The following IFNL2 variants were observed in gnomAD, a reference collection of about 807,000 sequenced individuals.
IFNL2 encodes the protein interferon lambda-2.
IFNL2 carries 17 observed loss-of-function variants against 18.7 expected under a neutral mutation model. That is an observed-to-expected ratio of 0.91 (90% CI 0.62 to 1.36). The LOEUF (loss-of-function observed/expected upper bound fraction) is 1.36, where lower values mean the gene tolerates loss of function less well. Ranked by LOEUF, IFNL2 falls within the 40% of genes most tolerant of loss-of-function variation. The pLI is 0.00. For missense variants in IFNL2, 225 were observed against 257.3 expected (o/e 0.87, Z 0.86); for synonymous variants, 96 against 113.4 (o/e 0.85, Z 0.98).
chr19:39,268,621 T>C (rs774130637), intron 1 of IFNL2, 43 bp downstream of exon 1: 4 of 1,613,834 alleles, frequency 2.5e-6, no homozygotes, highest in Middle Eastern at 1.7e-4. Flanking sequence ...CTGCAGCCCC[T>C]GCCCTCAGTG....
Position 39,269,799 on chromosome 19 carries a change from G to A in IFNL2, c.482G>A (p.Arg161Gln), listed in dbSNP as rs760792780. 38 of 1,608,240 alleles carry A rather than the reference G, an allele frequency of 2.4e-5. No individual in the cohort carries two copies. The highest frequency in any genetic ancestry group is 1.6e-4 in the South Asian group (14 of 89,844). ...TRGRLHHWLY[R>Q]LQEAPKKESP... ...GGCCGCCTCCACCATTGGCTGTACC[G>A]GCTCCAGGAGGCCCCAAAAAAGGTG... The change falls in exon 5 of 6, where the codon CGG becomes CAG. Residue 161 changes from arginine to glutamine, a missense_variant. Transcript: ENST00000331982.
At position 39,269,869 on chromosome 19, in the gene IFNL2, A is replaced by C. The variant is rs112552445; in HGVS notation, c.505-46A>C. The C allele has an allele frequency of 4.7e-5, 75 of 1,608,192 alleles. No individual in the cohort carries two copies. In the African/African-American group the frequency reaches 6.8e-4, roughly 15 times the overall value. On this transcript the variant is annotated intron_variant, in intron 5 of 5. Transcript: ENST00000331982. The stretch of plus-strand genomic sequence containing the variant: ...GACTGAGGTCTGGGGAGCCACTGGG[A>C]GCCCAGAACCCAGACAGCCCCTGAC...
In IFNL2 at chr19:39,269,719, C is replaced by A; in HGVS notation, c.421-19C>A. The stretch of plus-strand genomic sequence containing the variant: ...CTTGCCAAGGCCCCGGCTCACACAC[C>A]GCCCTCCTCTGCCCACAGATCCAGC... On this transcript the variant is annotated intron_variant, in intron 4 of 5. Transcript: ENST00000331982. 6.2e-7 allele frequency: 1 copy of A among 1,605,662 alleles called. No individual in the cohort carries two copies. Among genetic ancestry groups the A allele is most frequent in the Non-Finnish European group, 8.5e-7 (1 of 1,176,340 alleles).
rs1365821242 is a variant in IFNL2, at chr19:39,269,179, A to T, written c.220A>T (p.Arg74Trp). The change falls in exon 3 of 6, where the codon AGG (arginine) becomes TGG (tryptophan). Residue 74 changes from arginine to tryptophan, a missense_variant. Transcript: ENST00000331982. Reference protein sequence around the residue: ...LEESLLLKDCRCHSRLFPRTW... With the variant: ...LEESLLLKDCWCHSRLFPRTW... Reference sequence around the variant, plus strand: ...AGAGTCGCTTCTGCTGAAGGACTGCAGGTGCCACTCCCGCCTCTTCCCCAG... The same window carrying T: ...AGAGTCGCTTCTGCTGAAGGACTGCTGGTGCCACTCCCGCCTCTTCCCCAG... 6.2e-7 allele frequency: 1 copy of T among 1,611,116 alleles called. No individual in the cohort carries two copies. Among genetic ancestry groups the T allele is most frequent in the Admixed American group, 1.7e-5 (1 of 59,694 alleles).
rs768247378 is a variant in IFNL2 at position 39,269,645 on chromosome 19, G to C, written c.420+8G>C. ...TCCCAGTTCCGGGCCTGTGTGAGTCGTTGGGGCCTGGGCACCCAGGTCTGT... is the reference window on the plus strand; with the variant it reads ...TCCCAGTTCCGGGCCTGTGTGAGTCCTTGGGGCCTGGGCACCCAGGTCTGT... On this transcript the variant is annotated splice_region_variant and intron_variant, in intron 4 of 5. Coordinates refer to ENST00000331982, the MANE Select transcript of IFNL2 (RefSeq NM_172138.2). 2 of 1,613,438 alleles carry C rather than the reference G, an allele frequency of 1.2e-6. No homozygotes were observed. The highest frequency in any genetic ancestry group is 2.2e-5 in the South Asian group (2 of 91,070).
At position 39,268,495 on chromosome 19, in the gene IFNL2, C is replaced by T. The variant is rs1044242301; in HGVS notation, c.-74C>T. The stretch of plus-strand genomic sequence containing the variant: ...AGGGGACTGAAAAGAACAGAGACTC[C>T]AGACAAGACCCAAACAGACCCTGGG... On this transcript the variant is annotated 5_prime_UTR_variant, in exon 1 of 6. Transcript: ENST00000331982. 33 of 1,409,204 alleles carry T rather than the reference C, an allele frequency of 2.3e-5. No individual in the cohort carries two copies. The African/African-American group carries it at 4.6e-4, about 19-fold the overall frequency. The allele number at this position is 1,409,204 out of a possible 1,614,324, so 87.3% of individuals were successfully genotyped here. A position where few individuals can be genotyped will look rare whatever the true frequency, so the allele number is the denominator to read the frequency against.
At position 39,270,101 on chromosome 19, in the gene IFNL2, T is replaced by C; in HGVS notation, c.*88T>C. 7.0e-7 allele frequency: 1 copy of C among 1,421,304 alleles called. No homozygotes were observed. The highest frequency in any genetic ancestry group is 9.7e-7 in the Non-Finnish European group (1 of 1,035,760). The allele number at this position is 1,421,304 out of a possible 1,614,324, so 88.0% of individuals were successfully genotyped here. On this transcript the variant is annotated 3_prime_UTR_variant, in exon 6 of 6. Transcript: ENST00000331982. ...TGCCACCCAGTCGCTATTTATGTAT[T>C]TGTGTGTGTAAATCCAACTCACCTC... is the stretch of plus-strand genomic sequence containing the variant.
rs371778513 is a variant in IFNL2 at position 39,268,696 on chromosome 19, G to C, written c.30G>C (p.Thr10=). The C allele has an allele frequency of 3.1e-6, 5 of 1,613,016 alleles. No individual in the cohort carries two copies. The Admixed American group carries it at 6.7e-5, about 22-fold the overall frequency. The change falls in exon 2 of 6, where the codon ACG becomes ACC. Residue 10 remains threonine (T), a synonymous_variant. Coordinates refer to ENST00000331982, the MANE Select transcript of IFNL2 (RefSeq NM_172138.2). MKLDMTGDC[T]PVLVLMAAVL... is the part of the protein sequence containing the mutation. ...ACACAGACATGACTGGGGACTGCACGCCAGTGCTGGTGCTGATGGCCGCAG... is the reference window on the plus strand; with the variant it reads ...ACACAGACATGACTGGGGACTGCACCCCAGTGCTGGTGCTGATGGCCGCAG...
At position 39,270,008 on chromosome 19, in the gene IFNL2, G is replaced by A; in HGVS notation, c.598G>A (p.Val200Ile). Reference sequence around the variant, plus strand: ...TTGTGTTGCCAGTGGGGACCTGTGTGTCTGACCCTCCCACCAGTCATGCAA... The same window carrying A: ...TTGTGTTGCCAGTGGGGACCTGTGTATCTGACCCTCCCACCAGTCATGCAA... ...LNCVASGDLC[V>I] is the part of the protein sequence containing the mutation. The change falls in exon 6 of 6, where the codon GTC becomes ATC. Residue 200 changes from valine (V) to isoleucine (I), a missense_variant. Transcript: ENST00000331982. The A allele has an allele frequency of 6.3e-7, 1 of 1,593,888 alleles. No homozygotes were observed. The highest frequency in any genetic ancestry group is 8.5e-7 in the Non-Finnish European group (1 of 1,169,718).
rs1239689439 is a variant in IFNL2 at position 39,269,363 on chromosome 19, C to T, written c.271-125C>T. The T allele has an allele frequency of 2.8e-5, 42 of 1,492,426 alleles. 2 individuals carry two copies. Among genetic ancestry groups the T allele is most frequent in the South Asian group, 2.5e-4 (20 of 78,548 alleles). The allele number at this position is 1,492,426 out of a possible 1,614,324, so 92.4% of individuals were successfully genotyped here. A position where few individuals can be genotyped will look rare whatever the true frequency, so the allele number is the denominator to read the frequency against. On this transcript the variant is annotated intron_variant, in intron 3 of 5. Transcript: ENST00000331982. ...ACCTGCTCTCCCTTCCCTCCGCTCC[C>T]ACCTGACCACACTGGCTGTGCCCTC...
Position 39,268,826 on chromosome 19 carries a change from C to T in IFNL2, c.160C>T (p.Leu54=), listed in dbSNP as rs780745473. ...GTTCAAGTCCCTGTCTCCACAGGAG[C>T]TGCAGGCCTTTAAGAGGGCCAAAGA... ...AQFKSLSPQE[L]QAFKRAKDAL... The change falls in exon 2 of 6, where the codon CTG becomes TTG. Residue 54 remains leucine (L), a synonymous_variant. Coordinates refer to ENST00000331982, the MANE Select transcript of IFNL2 (RefSeq NM_172138.2). The T allele has an allele frequency of 5.0e-6, 8 of 1,613,656 alleles. No individual in the cohort carries two copies. The Admixed American group carries it at 1.3e-4, about 27-fold the overall frequency.
rs2075031059 is a variant in IFNL2, at chr19:39,270,158, A to G, written c.*145A>G. 3.2e-6 allele frequency: 3 copies of G among 938,698 alleles called. No homozygotes were observed. Among genetic ancestry groups the G allele is most frequent in the African/African-American group, 1.7e-5 (1 of 59,890 alleles). 58.1% of individuals were successfully genotyped at this position (938,698 alleles called of 1,614,324 possible). ...AATGTTTATTTTTCTACTTTTTATA[A>G]CCCTTGTTGAAATAAACAAAGGAAA... On this transcript the variant is annotated 3_prime_UTR_variant, in exon 6 of 6. Transcript: ENST00000331982.
chr19:39,269,100 G>T, intron 2 of IFNL2, 52 bp from the exon 3 acceptor site: 2 of 1,579,834 alleles, frequency 1.3e-6, no homozygotes, highest in Non-Finnish European at 1.7e-6. Context: ...CCACCAGGAT[G>T]GTCTAACCTC....
intron 3 of IFNL2, 53 bp from the exon 4 acceptor site, chr19:39,269,435 C>T (rs1457097174): frequency 1.9e-6 from 3 of 1,602,476 alleles, no homozygotes; most frequent in Non-Finnish European, 8.5e-7. Flanking sequence ...TCCTGCTCCC[C>T]AACCTGTTCC....
In IFNL2 at chr19:39,268,823, G is replaced by A. The variant is rs1303936782; in HGVS notation, c.157G>A (p.Glu53Lys). 1.2e-5 allele frequency: 20 copies of A among 1,613,580 alleles called. No homozygotes were observed. Among genetic ancestry groups the A allele is most frequent in the Non-Finnish European group, 1.5e-5 (18 of 1,179,810 alleles). The change falls in exon 2 of 6, where the codon GAG becomes AAG. Residue 53 changes from glutamate (E) to lysine (K), a missense_variant. Glu to Lys is a moderately conservative substitution (Grantham distance 56, BLOSUM62 1). Transcript: ENST00000331982. ...CCAGTTCAAGTCCCTGTCTCCACAGGAGCTGCAGGCCTTTAAGAGGGCCAA... is the reference window on the plus strand; with the variant it reads ...CCAGTTCAAGTCCCTGTCTCCACAGAAGCTGCAGGCCTTTAAGAGGGCCAA... ...IAQFKSLSPQELQAFKRAKDA... is the reference protein window; with the variant it reads ...IAQFKSLSPQKLQAFKRAKDA...
Position 39,268,490 on chromosome 19 carries a change from G to C in IFNL2, c.-79G>C. ...AGAAGAGGGGACTGAAAAGAACAGA[G>C]ACTCCAGACAAGACCCAAACAGACC... On this transcript the variant is annotated 5_prime_UTR_variant, in exon 1 of 6. Coordinates refer to ENST00000331982, the MANE Select transcript of IFNL2 (RefSeq NM_172138.2). 7.7e-7 allele frequency: 1 copy of C among 1,303,116 alleles called. No individual in the cohort carries two copies. 80.7% of individuals were successfully genotyped at this position (1,303,116 alleles called of 1,614,324 possible). A position where few individuals can be genotyped will look rare whatever the true frequency, so the allele number is the denominator to read the frequency against.
In IFNL2 at chr19:39,270,182, A is replaced by G; in HGVS notation, c.*169A>G. On this transcript the variant is annotated 3_prime_UTR_variant, in exon 6 of 6. Coordinates refer to ENST00000331982, the MANE Select transcript of IFNL2 (RefSeq NM_172138.2). ...AACCCTTGTTGAAATAAACAAAGGA[A>G]AAGACACTCATGACGTTGGACTGTG... is the stretch of plus-strand genomic sequence containing the variant. The G allele has an allele frequency of 1.3e-6, 1 of 788,804 alleles. No homozygotes were observed. Among genetic ancestry groups the G allele is most frequent in the Non-Finnish European group, 2.0e-6 (1 of 499,830 alleles). The allele number at this position is 788,804 out of a possible 1,614,324, so 48.9% of individuals were successfully genotyped here.
chr19:39,269,665 G>A (rs1335235708), intron 4 of IFNL2, 28 bp downstream of exon 4: 9 of 1,612,508 alleles, frequency 5.6e-6, no homozygotes, highest in East Asian at 4.5e-5. Flanking sequence ...GGGCACCCAG[G>A]TCTGTGAGCT....
Position 39,269,653 on chromosome 19 carries a change from C to A in IFNL2, c.420+16C>A, listed in dbSNP as rs759958197. The A allele has an allele frequency of 6.2e-7, 1 of 1,613,282 alleles. No homozygotes were observed. Among genetic ancestry groups the A allele is most frequent in the Admixed American group, 1.7e-5 (1 of 59,986 alleles). Reference sequence around the variant, plus strand: ...CCGGGCCTGTGTGAGTCGTTGGGGCCTGGGCACCCAGGTCTGTGAGCTCTG... The same window carrying A: ...CCGGGCCTGTGTGAGTCGTTGGGGCATGGGCACCCAGGTCTGTGAGCTCTG... On this transcript the variant is annotated intron_variant, in intron 4 of 5. Transcript: ENST00000331982.
Sources: gnomAD v4.1 joint callset for allele counts on GRCh38, gnomAD v4.1.1 for gene constraint, MANE v1.5 for transcripts, NCBI Gene and HGNC (gene_info 2026-07-23, HGNC 2026-07-21) for gene names.